LRP1: variants seen among roughly 807,000 people sequenced by gnomAD.
LRP1 encodes LDL receptor related protein 1, also known as prolow-density lipoprotein receptor-related protein 1.
LRP1 carries 51 observed loss-of-function variants against 541.5 expected under a neutral mutation model. The observed-to-expected ratio is 0.09, with a 90% CI of 0.08 to 0.12. The LOEUF (loss-of-function observed/expected upper bound fraction) is 0.12. Among genes scored for constraint, LRP1 ranks in the 10% least tolerant of loss-of-function variants. The pLI, the probability that LRP1 is intolerant of heterozygous loss-of-function variation, is 1.00. For synonymous variants in LRP1, 2,219 were observed against 2,470.8 expected, an observed-to-expected ratio of 0.90 and a Z score of 3.02; for missense variants, 3,878 against 6,376.2, an observed-to-expected ratio of 0.61 and a Z score of 13.34.
At chr12:57,141,717 G>A (rs1371423529) in intron 3 of LRP1, among the ~76,000 whole-genome samples, 1 of 152,068 alleles carries the variant, frequency 6.6e-6, no homozygotes, top group East Asian at 1.9e-4. Flanking sequence ...GCCGTGGGCT[G>A]TAGCCTGGGC....
At position 57,137,625 on chromosome 12, in the gene LRP1, G is replaced by A. The variant is rs147868263; in HGVS notation, c.68-834G>A. On this transcript the variant is annotated intron_variant, in intron 1 of 88. Coordinates refer to ENST00000243077, the MANE Select transcript of LRP1 (RefSeq NM_002332.3). Reference sequence around the variant, plus strand: ...AGCATGGCCAACATGGTGAAACCCCGTCTCTACTAAAAATACAAAAACTAG... The same window carrying A: ...AGCATGGCCAACATGGTGAAACCCCATCTCTACTAAAAATACAAAAACTAG... 1.4e-3 allele frequency among the ~76,000 whole-genome samples: 216 copies of A among 152,108 alleles called. 1 individual carries two copies. Among genetic ancestry groups the A allele is most frequent in the African/African-American group, 4.6e-3 (189 of 41,494 alleles).
chr12:57,201,462 A>C lies in LRP1; in HGVS notation c.10346-35A>C. The C allele has an allele frequency of 6.3e-7, 1 of 1,584,334 alleles. No homozygotes were observed. The highest frequency in any genetic ancestry group is 2.2e-5 in the East Asian group (1 of 44,562). ...GATGGTGAACTGGAGTGGCAGGTGTAAGGGAGGGCCCTCATTCTCTTGCCC... is the reference window on the plus strand; with the variant it reads ...GATGGTGAACTGGAGTGGCAGGTGTCAGGGAGGGCCCTCATTCTCTTGCCC... On this transcript the variant is annotated intron_variant, in intron 65 of 88. Coordinates refer to ENST00000243077, the MANE Select transcript of LRP1 (RefSeq NM_002332.3). The surrounding 1 kb of genome is among the most constrained non-coding windows in gnomAD (Gnocchi z 6.4).
chr12:57,190,352 G>A (rs1362167182), intron 42 of LRP1, among the ~76,000 whole-genome samples: 1 of 152,208 alleles, frequency 6.6e-6, no homozygotes, highest in East Asian at 1.9e-4. Context: ...TCCTTAAGAT[G>A]GAGATTAACT....
At chr12:57,207,282 A>G (rs2036802985) in intron 76 of LRP1, among the ~76,000 whole-genome samples, 1 of 134,506 alleles carries the variant, frequency 7.4e-6, no homozygotes, top group African/African-American at 2.8e-5. Flanking sequence ...AAATAAATAA[A>G]TAGAGACTCG....
intron 1 of LRP1, among the ~76,000 whole-genome samples, chr12:57,136,317 C>T (rs964889417): frequency 2.6e-5 from 4 of 151,778 alleles, no homozygotes; most frequent in East Asian, 1.9e-4. Context: ...GCCTGAGTGC[C>T]GTCTCCCCTG....
At chr12:57,167,193 GC>G in intron 18 of LRP1, 147 bp downstream of exon 18, 1 of 702,078 alleles carries the variant, frequency 1.4e-6, no homozygotes, top group Non-Finnish European at 2.5e-6. Flanking sequence ...TGAGAGGAGA[GC>G]CCCATCATCA....
chr12:57,184,073 C>T lies in LRP1; in HGVS notation c.5930-12C>T. 6.2e-7 allele frequency: 1 copy of T among 1,612,032 alleles called. No individual in the cohort carries two copies. Among genetic ancestry groups the T allele is most frequent in the African/African-American group, 1.3e-5 (1 of 75,012 alleles). On this transcript the variant is annotated splice_polypyrimidine_tract_variant and intron_variant, in intron 36 of 88. Coordinates refer to ENST00000243077, the MANE Select transcript of LRP1 (RefSeq NM_002332.3). The surrounding 1 kb of genome is among the most constrained non-coding windows in gnomAD (Gnocchi z 7.8). ...ACCTAACCTCCCTGAGCCCCACCAA[C>T]TCCCTCCTTAGGCAACATCTACTGG...
chr12:57,208,977 G>A (rs2036849389), intron 78 of LRP1, 106 bp from the exon 79 acceptor site: 1 of 1,081,584 alleles, frequency 9.2e-7, no homozygotes, highest in Non-Finnish European at 1.4e-6. Flanking sequence ...GTGACTGTGA[G>A]TGGCGTATGA....
At position 57,176,099 on chromosome 12, in the gene LRP1, C is replaced by T; in HGVS notation, c.3984C>T (p.Asp1328=). 2 of 1,613,928 alleles carry T rather than the reference C, an allele frequency of 1.2e-6. No homozygotes were observed. The change falls in exon 24 of 89, where the codon GAC becomes GAT. Residue 1328 remains aspartate (D), a synonymous_variant. Coordinates refer to ENST00000243077, the MANE Select transcript of LRP1 (RefSeq NM_002332.3). The part of the protein sequence containing the change: ...EDKIYRGKLL[D]NGALTSFEVV... ...AGATCTACCGCGGGAAGCTGCTGGA[C>T]AACGGAGGTGACCACCGATTGCTGC...
intron 68 of LRP1, 42 bp from the exon 69 acceptor site, chr12:57,203,139 T>C (rs1592659238): frequency 2.1e-6 from 3 of 1,416,204 alleles, no homozygotes; most frequent in Non-Finnish European, 2.9e-6. Context: ...CTGGAGTCCT[T>C]GTGCCCACCC....
Position 57,162,441 on chromosome 12 carries a change from C to T in LRP1, c.2327C>T (p.Pro776Leu). 1 of 1,614,022 alleles carries T rather than the reference C, an allele frequency of 6.2e-7. No individual in the cohort carries two copies. The highest frequency in any genetic ancestry group is 8.5e-7 in the Non-Finnish European group (1 of 1,180,004). ...TTGGAACGGGGTGTAGGAGGCGCAC[C>T]CCCCACTGTGACCCTTCTGCGCAGT... ...YRLERGVGGA[P>L]PTVTLLRSER... The change falls in exon 14 of 89, where the codon CCC becomes CTC. Residue 776 changes from proline to leucine, a missense_variant. Pro to Leu is a moderately conservative substitution (Grantham distance 98, BLOSUM62 -3). Coordinates refer to ENST00000243077, the MANE Select transcript of LRP1 (RefSeq NM_002332.3). This position sits in a 1 kb window ranked among gnomAD's most constrained non-coding sequence, Gnocchi z 5.2.
rs1022244900 is a variant in LRP1, at chr12:57,184,333, T to G, written c.6067T>G (p.Phe2023Val). ...TCCACCCCCACCCTACAGGTACTTG[T>G]TCTGGACTGAGTGGGGTCAGTATCC... ...ITVHPEKGYL[F>V]WTEWGQYPRI... Residue 2023 changes from phenylalanine (F) to valine (V), a missense_variant, in exon 38 of 89, where the codon TTC becomes GTC. Phe to Val is a conservative substitution (Grantham distance 50). Around this residue, in one of 13 missense-constraint regions of LRP1, gnomAD observed 1 missense variants for 17.6 expected, o/e 0.06. Transcript: ENST00000243077. The surrounding 1 kb of genome is among the most constrained non-coding windows in gnomAD (Gnocchi z 7.8). 1 of 1,614,070 alleles carries G rather than the reference T, an allele frequency of 6.2e-7. No homozygotes were observed. The highest frequency in any genetic ancestry group is 1.7e-5 in the Admixed American group (1 of 60,006).
Position 57,178,800 on chromosome 12 carries a change from G to A in LRP1, c.4607-90G>A, listed in dbSNP as rs2036101585. On this transcript the variant is annotated intron_variant, in intron 27 of 88. Transcript: ENST00000243077. The surrounding 1 kb of genome is among the most constrained non-coding windows in gnomAD (Gnocchi z 5.8). Reference sequence around the variant, plus strand: ...GTAGTAGCGGCTGCTGGAACAGGGGGAGGAGAGTGGGCGAGGAAGGGGTGG... The same window carrying A: ...GTAGTAGCGGCTGCTGGAACAGGGGAAGGAGAGTGGGCGAGGAAGGGGTGG... The A allele has an allele frequency of 6.5e-6, 10 of 1,534,158 alleles. No homozygotes were observed. Among genetic ancestry groups the A allele is most frequent in the East Asian group, 2.2e-5 (1 of 44,458 alleles).
chr12:57,192,995 T>G, intron 45 of LRP1, 25 bp downstream of exon 45: 1 of 1,603,368 alleles, frequency 6.2e-7, no homozygotes, highest in Non-Finnish European at 8.5e-7. Flanking sequence ...GGGGAGGGGC[T>G]GGCGGGGAAC....
At position 57,211,295 on chromosome 12, in the gene LRP1, C is replaced by A; in HGVS notation, c.13036C>A (p.Arg4346Ser). The A allele has an allele frequency of 1.9e-6, 3 of 1,614,196 alleles. No homozygotes were observed. Among genetic ancestry groups the A allele is most frequent in the Non-Finnish European group, 2.5e-6 (3 of 1,180,042 alleles). ...GAGGTGTGAGGTGAACAAGTGCAGC[C>A]GCTGTCTCGAAGGGGCCTGTGTGGT... is the stretch of plus-strand genomic sequence containing the variant. Reference protein sequence around the residue: ...GSRCEVNKCSRCLEGACVVNK... With the variant: ...GSRCEVNKCSSCLEGACVVNK... Residue 4346 changes from arginine to serine, a missense_variant, in exon 84 of 89, where the codon CGC becomes AGC. Physicochemically the swap from Arg to Ser is moderately radical, Grantham distance 110. Around this residue, in one of 13 missense-constraint regions of LRP1, gnomAD observed 871 missense variants for 1,212.4 expected, o/e 0.72. Transcript: ENST00000243077. The surrounding 1 kb of genome is among the most constrained non-coding windows in gnomAD (Gnocchi z 4.3).
In LRP1 at chr12:57,128,702, C is replaced by G; in HGVS notation, c.-263C>G. 1 of 414,468 alleles carries G rather than the reference C, an allele frequency of 2.4e-6. No homozygotes were observed. Among genetic ancestry groups the G allele is most frequent in the Non-Finnish European group, 4.3e-6 (1 of 233,492 alleles). The allele number at this position is 414,468 out of a possible 1,614,324, so 25.7% of individuals were successfully genotyped here. ...GCTTCGCCCGGGGAGGGGGAAAGAGCAGCGAGGAGTGAAGCGGGGGGGTGG... is the reference window on the plus strand; with the variant it reads ...GCTTCGCCCGGGGAGGGGGAAAGAGGAGCGAGGAGTGAAGCGGGGGGGTGG... On this transcript the variant is annotated 5_prime_UTR_variant, in exon 1 of 89. Coordinates refer to ENST00000243077, the MANE Select transcript of LRP1 (RefSeq NM_002332.3).
At position 57,175,660 on chromosome 12, in the gene LRP1, G is replaced by A. The variant is rs1281836595; in HGVS notation, c.3748G>A (p.Glu1250Lys). The A allele has an allele frequency of 1.7e-5, 27 of 1,596,012 alleles. No individual in the cohort carries two copies. Among genetic ancestry groups the A allele is most frequent in the Non-Finnish European group, 2.1e-5 (25 of 1,169,320 alleles). Residue 1250 changes from glutamate to lysine, a missense_variant, in exon 23 of 89, where the codon GAG becomes AAG. This residue lies in a region of LRP1 where 320 missense variants were observed against 547.9 expected (regional missense o/e 0.58). Coordinates refer to ENST00000243077, the MANE Select transcript of LRP1 (RefSeq NM_002332.3). ...NKFSVKCSCY[E>K]GWVLEPDGES... ...GTTCAGCGTGAAGTGCTCCTGCTAC[G>A]AGGGCTGGGTCCTGGAACCTGACGG...
chr12:57,212,397 C>A lies in LRP1; in HGVS notation c.13495-18C>A. ...GCCCAGCTCCTGAGCCCTACCTGAA[C>A]CCTCTGTCACCCTGCAGCCCACCAA... On this transcript the variant is annotated intron_variant, in intron 88 of 88. Coordinates refer to ENST00000243077, the MANE Select transcript of LRP1 (RefSeq NM_002332.3). This position sits in a 1 kb window ranked among gnomAD's most constrained non-coding sequence, Gnocchi z 5.0. The A allele has an allele frequency of 3.1e-6, 5 of 1,614,024 alleles. No individual in the cohort carries two copies. The highest frequency in any genetic ancestry group is 4.2e-6 in the Non-Finnish European group (5 of 1,180,004).
At chr12:57,180,267 G>T (rs1251449695) in intron 31 of LRP1, 63 bp from the exon 32 acceptor site, 6 of 1,599,078 alleles carry the variant, frequency 3.8e-6, no homozygotes, top group Non-Finnish European at 4.3e-6. Flanking sequence ...CTCACCATCT[G>T]CTCCCTTCCC....
Sources: allele counts gnomAD v4.1 joint callset (sites outside exome capture counted in the v4.1 genomes callset), GRCh38; gene constraint gnomAD v4.1.1; regional missense constraint gnomAD v4.1.1; non-coding constraint Gnocchi (gnomAD v3.1); transcripts MANE v1.5; gene names NCBI Gene and HGNC (gene_info 2026-07-23, HGNC 2026-07-21).